The following CDYL variants were observed in gnomAD, a reference collection of about 807,000 sequenced individuals.
The protein encoded by CDYL is chromodomain Y-like protein.
In CDYL, 8 loss-of-function variants were observed where a neutral mutation model predicts 47.3. That is an observed-to-expected ratio of 0.17 (90% CI 0.10 to 0.31). The LOEUF is 0.31. Among genes scored for constraint, CDYL ranks in the 10% least tolerant of loss-of-function variants. The pLI, the probability that CDYL is intolerant of heterozygous loss-of-function variation, is 1.00. For synonymous variants in CDYL, 266 were observed against 265.0 expected, an observed-to-expected ratio of 1.00 and a Z score of -0.04; for missense variants, 471 against 701.4, an observed-to-expected ratio of 0.67 and a Z score of 3.71.
intron 2 of CDYL, among the ~76,000 whole-genome samples, chr6:4,717,381 G>A (rs557821135): frequency 1.1e-4 from 17 of 152,098 alleles, no homozygotes; most frequent in Non-Finnish European, 2.5e-4. Flanking sequence ...CACCATAAGG[G>A]ACTTCCGCTT....
chr6:4,742,574 A>C (rs557421337), intron 3 of CDYL, among the ~76,000 whole-genome samples: 1 of 152,282 alleles, frequency 6.6e-6, no homozygotes, highest in Admixed American at 6.5e-5. Context: ...GCAATGATCA[A>C]ATCCTGCTGG....
chr6:4,946,808 C>T (rs1251667280), intron 5 of CDYL, among the ~76,000 whole-genome samples: 1 of 152,302 alleles, frequency 6.6e-6, no homozygotes, highest in African/African-American at 2.4e-5. Context: ...GTGGATGGCC[C>T]CACCGGCTGT....
At chr6:4,781,990 G>T (rs1758629946) in intron 1 of CDYL, among the ~76,000 whole-genome samples, 1 of 144,866 alleles carries the variant, frequency 6.9e-6, no homozygotes, top group Non-Finnish European at 1.5e-5. Context: ...CTTCTTTTTG[G>T]AATGCAGGTG....
At chr6:4,737,431 T>C (rs1757723096) in intron 3 of CDYL, among the ~76,000 whole-genome samples, 1 of 151,984 alleles carries the variant, frequency 6.6e-6, no homozygotes, top group Non-Finnish European at 1.5e-5. Flanking sequence ...GGCGGGTGAA[T>C]CACCTGAGGT....
chr6:4,776,741 C>G lies in CDYL; in HGVS notation c.-43C>G, dbSNP rs777308001. 1.6e-6 allele frequency: 2 copies of G among 1,256,354 alleles called. No individual in the cohort carries two copies. Among genetic ancestry groups the G allele is most frequent in the African/African-American group, 1.6e-5 (1 of 61,482 alleles). The allele number at this position is 1,256,354 out of a possible 1,614,324, so 77.8% of individuals were successfully genotyped here. A position where few individuals can be genotyped will look rare whatever the true frequency, so the allele number is the denominator to read the frequency against. ...GTGTCGGCCGCCCGGCGCCGGCGCCCGCCCCGACCCTGCCCCTCCCGCCCG... is the reference window on the plus strand; with the variant it reads ...GTGTCGGCCGCCCGGCGCCGGCGCCGGCCCCGACCCTGCCCCTCCCGCCCG... On this transcript the variant is annotated 5_prime_UTR_variant, in exon 1 of 7. Coordinates refer to ENST00000397588, the MANE Select transcript of CDYL (RefSeq NM_004824.4).
intron 1 of CDYL, among the ~76,000 whole-genome samples, chr6:4,861,837 C>G (rs774607622): frequency 9.4e-4 from 143 of 152,274 alleles, no homozygotes; most frequent in Non-Finnish European, 1.7e-3. Flanking sequence ...TTGACTTCTC[C>G]ACTCAGCAAG....
At chr6:4,836,803 A>C (rs574980409) in intron 1 of CDYL, among the ~76,000 whole-genome samples, 77 of 152,326 alleles carry the variant, frequency 5.1e-4, no homozygotes, top group African/African-American at 1.8e-3. Context: ...GGCAGTGAGT[A>C]CATTTCTGAT....
At chr6:4,817,206 A>G (rs1242613952) in intron 1 of CDYL, among the ~76,000 whole-genome samples, 1 of 152,154 alleles carries the variant, frequency 6.6e-6, no homozygotes, top group Non-Finnish European at 1.5e-5. Context: ...AGCCTCCTAA[A>G]GAGACCTGGG....
At chr6:4,747,516 C>T (rs1476125454) in intron 3 of CDYL, among the ~76,000 whole-genome samples, 1 of 152,134 alleles carries the variant, frequency 6.6e-6, no homozygotes, top group Admixed American at 6.5e-5. Context: ...CTCATTTCCC[C>T]AACTGTGCGT....
At chr6:4,909,728 G>C (rs969402810) in intron 2 of CDYL, among the ~76,000 whole-genome samples, 2 of 151,468 alleles carry the variant, frequency 1.3e-5, no homozygotes, top group Non-Finnish European at 2.9e-5. Flanking sequence ...CCACCACCAC[G>C]CCTGGCTATT....
At chr6:4,828,995 G>A (rs1453475780) in intron 1 of CDYL, among the ~76,000 whole-genome samples, 4 of 152,010 alleles carry the variant, frequency 2.6e-5, no homozygotes, top group Non-Finnish European at 2.9e-5. Context: ...TTTATAAATT[G>A]TTCTGATTTC....
intron 2 of CDYL, among the ~76,000 whole-genome samples, chr6:4,903,506 A>G (rs564381199): frequency 7.9e-5 from 12 of 152,324 alleles, no homozygotes; most frequent in African/African-American, 2.6e-4. Context: ...AGCAAAATCT[A>G]CTTAAAGGGT....
At chr6:4,935,952 C>G (rs1437578351) in intron 3 of CDYL, among the ~76,000 whole-genome samples, 181 bp downstream of exon 3, 1 of 152,190 alleles carries the variant, frequency 6.6e-6, no homozygotes, top group Non-Finnish European at 1.5e-5. Context: ...TGTCCCACCT[C>G]CAATGGCCGT....
At chr6:4,852,330 C>T (rs1760853504) in intron 1 of CDYL, among the ~76,000 whole-genome samples, 1 of 151,504 alleles carries the variant, frequency 6.6e-6, no homozygotes, top group Non-Finnish European at 1.5e-5. Context: ...TTCCTTCCTT[C>T]CTTCCCTCCT....
At chr6:4,869,430 T>G (rs1761413177) in intron 1 of CDYL, among the ~76,000 whole-genome samples, 1 of 152,020 alleles carries the variant, frequency 6.6e-6, no homozygotes, top group Admixed American at 6.6e-5. Context: ...GTTAGGAGTG[T>G]TTAGTTATTT....
intron 1 of CDYL, among the ~76,000 whole-genome samples, chr6:4,828,929 G>A (rs554315036): frequency 3.9e-5 from 6 of 152,044 alleles, no homozygotes; most frequent in East Asian, 3.9e-4. Flanking sequence ...AATTATGTAC[G>A]TTTCAGCTCC....
chr6:4,886,436 C>G (rs1761902336), intron 1 of CDYL, among the ~76,000 whole-genome samples: 1 of 152,186 alleles, frequency 6.6e-6, no homozygotes. Context: ...TGAAGTGTAC[C>G]CGCATTGTGG....
At chr6:4,816,754 G>T (rs1369378017) in intron 1 of CDYL, among the ~76,000 whole-genome samples, 1 of 152,046 alleles carries the variant, frequency 6.6e-6, no homozygotes, top group Non-Finnish European at 1.5e-5. Context: ...CTCCCAAAGT[G>T]CTGGGATTAC....
chr6:4,776,670 C>A lies in CDYL; in HGVS notation c.-114C>A. 2 of 963,124 alleles carry A rather than the reference C, an allele frequency of 2.1e-6. No homozygotes were observed. Among genetic ancestry groups the A allele is most frequent in the Non-Finnish European group, 1.4e-6 (1 of 732,370 alleles). 59.7% of individuals were successfully genotyped at this position (963,124 alleles called of 1,614,324 possible). On this transcript the variant is annotated 5_prime_UTR_variant, in exon 1 of 7. Transcript: ENST00000397588. ...CGTCCGTGCCCAGCGCCCGGCCGGCCGCGGGAGCAGGAAGCGCAGGCCACG... is the reference window on the plus strand; with the variant it reads ...CGTCCGTGCCCAGCGCCCGGCCGGCAGCGGGAGCAGGAAGCGCAGGCCACG...
Sources: allele counts gnomAD v4.1 joint callset (sites outside exome capture counted in the v4.1 genomes callset), GRCh38; gene constraint gnomAD v4.1.1; transcripts MANE v1.5; gene names NCBI Gene and HGNC (gene_info 2026-07-23, HGNC 2026-07-21).